Variants in AARS1 observed in about 807,000 individuals in gnomAD.
The protein encoded by AARS1 is alanine--tRNA ligase, cytoplasmic.
In AARS1, 72 loss-of-function variants were observed where a neutral mutation model predicts 108.9. The ratio of observed to expected loss-of-function variants is 0.66; its 90% CI spans 0.55 to 0.80. The LOEUF (loss-of-function observed/expected upper bound fraction) is 0.80, where lower values mean the gene tolerates loss of function less well. Ranked by LOEUF, AARS1 falls within the 30% of genes least tolerant of loss-of-function variation. AARS1 has a pLI of 0.00. For synonymous variants in AARS1, 489 were observed against 465.7 expected, an observed-to-expected ratio of 1.05 and a Z score of -0.64; for missense variants, 1,193 against 1,233.2, an observed-to-expected ratio of 0.97 and a Z score of 0.49.
chr16:70,264,969 C>A lies in AARS1; in HGVS notation c.1481G>T (p.Ser494Ile), dbSNP rs771059047. ...SPKYNYHLDS[S>I]GSYVFENTVA... ...GCACAGCAACATACCATAGCTACCACTGGAGTCCAAATGGTAATTGTACTT... is the reference window on the plus strand; with the variant it reads ...GCACAGCAACATACCATAGCTACCAATGGAGTCCAAATGGTAATTGTACTT... The change falls in exon 11 of 21, where the codon AGT becomes ATT. Residue 494 changes from serine to isoleucine, a missense_variant. Ser to Ile is a moderately radical substitution (Grantham distance 142). Transcript: ENST00000261772. 6.9e-5 allele frequency: 112 copies of A among 1,613,986 alleles called. No individual in the cohort carries two copies. In the Admixed American group the frequency reaches 1.8e-3, roughly 26 times the overall value.
Position 70,252,885 on chromosome 16 carries a change from T to C in AARS1, c.2743A>G (p.Lys915Glu). ...VPQNAANRGLKASEWVQQVSG... is the reference protein window; with the variant it reads ...VPQNAANRGLEASEWVQQVSG... ...ACCTGCTGCACCCACTCGCTGGCTT[T>C]TAAGCCCCGATTGGCTGCATTCTAG... is the stretch of plus-strand genomic sequence containing the variant. Residue 915 changes from lysine (K) to glutamate (E), a missense_variant, in exon 21 of 21, where the codon AAA becomes GAA. Coordinates refer to ENST00000261772, the MANE Select transcript of AARS1 (RefSeq NM_001605.3). 6.2e-7 allele frequency: 1 copy of C among 1,614,070 alleles called. No individual in the cohort carries two copies. Among genetic ancestry groups the C allele is most frequent in the Admixed American group, 1.7e-5 (1 of 60,028 alleles).
At chr16:70,260,755 C>T (rs1460800731) in intron 13 of AARS1, among the ~76,000 whole-genome samples, 2 of 152,024 alleles carry the variant, frequency 1.3e-5, no homozygotes, top group African/African-American at 4.8e-5. Flanking sequence ...CTCCCCCTCC[C>T]GGGTTCACGC....
intron 2 of AARS1, among the ~76,000 whole-genome samples, chr16:70,280,486 G>C (rs1331191275): frequency 6.6e-6 from 1 of 152,118 alleles, no homozygotes; most frequent in East Asian, 1.9e-4. Context: ...TAATTTTATA[G>C]TTAATATTAT....
At chr16:70,283,709 A>G (rs943223504) in intron 1 of AARS1, among the ~76,000 whole-genome samples, 4 of 152,192 alleles carry the variant, frequency 2.6e-5, no homozygotes, top group African/African-American at 9.6e-5. Context: ...GGATGGGCCT[A>G]TCTGTACAAG....
chr16:70,274,008 G>A (rs990877268), intron 4 of AARS1, among the ~76,000 whole-genome samples: 1 of 150,894 alleles, frequency 6.6e-6, no homozygotes, highest in East Asian at 2.0e-4. Flanking sequence ...CTGGGTGAGA[G>A]TGAGACCCTG....
intron 1 of AARS1, among the ~76,000 whole-genome samples, chr16:70,286,768 C>T (rs183103349): frequency 4.6e-5 from 7 of 151,704 alleles, no homozygotes; most frequent in African/African-American, 1.5e-4. Flanking sequence ...TCGCTTGAAC[C>T]TGGGAGGCAG....
rs372552067 is a variant in AARS1 at position 70,254,037 on chromosome 16, G to A, written c.2402C>T (p.Ala801Val). The A allele has an allele frequency of 1.2e-6, 2 of 1,613,890 alleles. No homozygotes were observed. The highest frequency in any genetic ancestry group is 2.7e-5 in the African/African-American group (2 of 74,920). Reference sequence around the variant, plus strand: ...CTGGGGGATGACTGCAGTGGCCAGGGCCTGGAACCAATAGACGACCATCTC... The same window carrying A: ...CTGGGGGATGACTGCAGTGGCCAGGACCTGGAACCAATAGACGACCATCTC... ...VQREIADLGEALATAVIPQWQ... is the reference protein window; with the variant it reads ...VQREIADLGEVLATAVIPQWQ... Residue 801 changes from alanine (A) to valine (V), a missense_variant and splice_region_variant, in exon 18 of 21, where the codon GCC (alanine) becomes GTC (valine). Ala to Val is a moderately conservative substitution (Grantham distance 64). Coordinates refer to ENST00000261772, the MANE Select transcript of AARS1 (RefSeq NM_001605.3).
chr16:70,282,644 G>C lies in AARS1; in HGVS notation c.120C>G (p.Leu40=). The C allele has an allele frequency of 1.9e-6, 3 of 1,614,194 alleles. No homozygotes were observed. The highest frequency in any genetic ancestry group is 2.5e-6 in the Non-Finnish European group (3 of 1,180,038). ...CCTGGTTCATGCCTGCATTGGCAAA[G>C]AGCAAAGTGGGGTCATCCAATGGGA... ...ATIPLDDPTL[L]FANAGMNQFK... The change falls in exon 2 of 21, where the codon CTC becomes CTG. Residue 40 remains leucine (L), a synonymous_variant. Coordinates refer to ENST00000261772, the MANE Select transcript of AARS1 (RefSeq NM_001605.3).
At chr16:70,276,731 G>A (rs1597446069) in intron 3 of AARS1, 100 bp from the exon 4 acceptor site, 1 of 1,369,176 alleles carries the variant, frequency 7.3e-7, no homozygotes, top group Admixed American at 1.8e-5. Flanking sequence ...ATCACAACAT[G>A]TTCACTCTAA....
chr16:70,276,386 A>G, intron 4 of AARS1, 100 bp downstream of exon 4: 1 of 1,375,062 alleles, frequency 7.3e-7, no homozygotes, highest in African/African-American at 1.4e-5. Context: ...AGGAACCCTG[A>G]GATGCAAAAT....
intron 2 of AARS1, among the ~76,000 whole-genome samples, chr16:70,278,628 G>A (rs1960613105): frequency 6.6e-6 from 1 of 151,796 alleles, no homozygotes; most frequent in Non-Finnish European, 1.5e-5. Flanking sequence ...AGTCACACTA[G>A]CTCAATAATC....
chr16:70,269,296 G>A (rs1960335655), intron 7 of AARS1, among the ~76,000 whole-genome samples: 1 of 123,024 alleles, frequency 8.1e-6, no homozygotes, highest in Non-Finnish European at 1.6e-5. Context: ...CTCTAGCCCG[G>A]GCAACAAAAG....
Position 70,276,969 on chromosome 16 carries a change from A to G in AARS1, c.330T>C (p.Phe110=). ...MLGSWSFGDY[F]KELACKMALE... ...GGTTCTTCTGCTCTGAACTTACCTT[A>G]AAGTAATCTCCAAAAGACCAAGAGC... The change falls in exon 3 of 21, where the codon TTT becomes TTC. Residue 110 remains phenylalanine (F), a synonymous_variant. Transcript: ENST00000261772. 1 of 1,614,142 alleles carries G rather than the reference A, an allele frequency of 6.2e-7. No individual in the cohort carries two copies. Among genetic ancestry groups the G allele is most frequent in the Non-Finnish European group, 8.5e-7 (1 of 1,180,014 alleles).
intron 2 of AARS1, among the ~76,000 whole-genome samples, 194 bp from the exon 3 acceptor site, chr16:70,277,348 T>C (rs1321315322): frequency 6.6e-6 from 1 of 152,172 alleles, no homozygotes; most frequent in Non-Finnish European, 1.5e-5. Flanking sequence ...CAGTTTCTCC[T>C]TGAACCTAGC....
chr16:70,282,834 A>AGT, intron 1 of AARS1, 50 bp from the exon 2 acceptor site: 1 of 1,570,750 alleles, frequency 6.4e-7, no homozygotes, highest in Non-Finnish European at 8.7e-7. Flanking sequence ...TGAAAGTCAA[A>AGT]GTACACATTA....
rs1028028699 is a variant in AARS1, at chr16:70,271,789, C to G, written c.663G>C (p.Gln221His). The change falls in exon 5 of 21, where the codon CAG becomes CAC. Residue 221 changes from glutamine to histidine, a missense_variant. Gln to His is a conservative substitution (Grantham distance 24). Coordinates refer to ENST00000261772, the MANE Select transcript of AARS1 (RefSeq NM_001605.3). ...TAGGAACCCAAGGCTACCTGTTATA[C>G]TGGATGAACACAAGGTTCCAGATCT... Reference protein sequence around the residue: ...VLEIWNLVFIQYNREADGILK... With the variant: ...VLEIWNLVFIHYNREADGILK... 35 of 1,613,784 alleles carry G rather than the reference C, an allele frequency of 2.2e-5. No individual in the cohort carries two copies. The highest frequency in any genetic ancestry group is 2.9e-5 in the Non-Finnish European group (34 of 1,179,832).
rs35769308 is a variant in AARS1 at position 70,254,699 on chromosome 16, G to C, written c.2322C>G (p.Leu774=). ...CCTTCACTTTGGCTTCCATGACAGA[G>C]AGACATTTCTTCAAGCTCTCTGCTT... ...LRKAESLKKC[L]SVMEAKVKAQ... The change falls in exon 17 of 21, where the codon CTC becomes CTG. Residue 774 remains leucine, a synonymous_variant. Transcript: ENST00000261772. 7.4e-6 allele frequency: 12 copies of C among 1,613,954 alleles called. No homozygotes were observed. In the African/African-American group the frequency reaches 1.1e-4, roughly 14 times the overall value.
chr16:70,252,794 A>G lies in AARS1; in HGVS notation c.2834T>C (p.Val945Ala), dbSNP rs1033938138. Reference protein sequence around the residue: ...DVSAQATGKNVGCLQEALQLA... With the variant: ...DVSAQATGKNAGCLQEALQLA... Reference sequence around the variant, plus strand: ...CTGCAGCGCCTCCTGCAGGCAGCCAACGTTCTTGCCTGTGGCCTGTGCAGA... The same window carrying G: ...CTGCAGCGCCTCCTGCAGGCAGCCAGCGTTCTTGCCTGTGGCCTGTGCAGA... The change falls in exon 21 of 21, where the codon GTT (valine) becomes GCT (alanine). Residue 945 changes from valine to alanine, a missense_variant. Coordinates refer to ENST00000261772, the MANE Select transcript of AARS1 (RefSeq NM_001605.3). 14 of 1,614,216 alleles carry G rather than the reference A, an allele frequency of 8.7e-6. No homozygotes were observed. Among genetic ancestry groups the G allele is most frequent in the Non-Finnish European group, 1.2e-5 (14 of 1,180,030 alleles).
At chr16:70,263,546 G>A (rs1422861228) in intron 11 of AARS1, among the ~76,000 whole-genome samples, 1 of 151,712 alleles carries the variant, frequency 6.6e-6, no homozygotes, top group African/African-American at 2.4e-5. Flanking sequence ...ACTCCAGCCT[G>A]GGTGACAGAG....
Sources: gnomAD v4.1 joint callset for allele counts (sites outside exome capture counted in the v4.1 genomes callset) on GRCh38, gnomAD v4.1.1 for gene constraint, MANE v1.5 for transcripts, NCBI Gene and HGNC (gene_info 2026-07-23, HGNC 2026-07-21) for gene names.